The following SMIM36 variants were observed in gnomAD, a reference collection of about 807,000 sequenced individuals.
The protein encoded by SMIM36 is small integral membrane protein 36.
At chr17:55,511,092 C>T (rs553470346) in exon 1 of SMIM36, 2 of 398,572 alleles carry the variant, frequency 5.0e-6, no homozygotes, top group East Asian at 7.1e-5. Context: ...GAGCAGGATC[C>T]CCCAAAGAAA....
chr17:55,472,076 C>T (rs1364861988), intron 3 of SMIM36, among the ~76,000 whole-genome samples: 4 of 152,238 alleles, frequency 2.6e-5, no homozygotes, highest in Non-Finnish European at 5.9e-5. Flanking sequence ...AACCCAGCTT[C>T]TCACTTAGCA....
At chr17:55,517,548 G>C in the SMIM36 span, among the ~76,000 whole-genome samples, 1 of 152,214 alleles carries the variant, frequency 6.6e-6, no homozygotes, top group Non-Finnish European at 1.5e-5. Context: ...GGGCGACAGA[G>C]TGAGACTCTG....
intron 4 of SMIM36, among the ~76,000 whole-genome samples, chr17:55,459,314 A>G (rs1909094226): frequency 6.6e-6 from 1 of 152,192 alleles, no homozygotes; most frequent in African/African-American, 2.4e-5. Context: ...ATCTCTCCAG[A>G]GAGTCATTGG....
intron 3 of SMIM36, chr17:55,468,127 A>G (rs1006292736): frequency 6.6e-6 from 1 of 152,324 alleles, no homozygotes; most frequent in Admixed American, 6.5e-5. Context: ...CCAGGTGATT[A>G]AAAAGCTTTA....
the SMIM36 span, among the ~76,000 whole-genome samples, chr17:55,516,947 G>A: frequency 2.0e-5 from 3 of 152,222 alleles, no homozygotes. Context: ...CTGAGAAGAC[G>A]CTTCTCCCCA....
chr17:55,465,132 G>C lies in SMIM36; in HGVS notation c.*531+2013C>G, dbSNP rs1003020887. On this transcript the variant is annotated intron_variant, in intron 4 of 4. Coordinates refer to ENST00000636752, the Ensembl canonical transcript of SMIM36. ...GGGCAGACAAGTTCATAAACAATCT[G>C]CTCCATTCTGAGTACGACATTGAAT... 7.9e-5 allele frequency among the ~76,000 whole-genome samples: 12 copies of C among 152,198 alleles called. No individual in the cohort carries two copies. The South Asian group carries it at 2.5e-3, about 32-fold the overall frequency.
At chr17:55,455,598 T>C (rs909399316) in intron 4 of SMIM36, among the ~76,000 whole-genome samples, 1 of 152,056 alleles carries the variant, frequency 6.6e-6, no homozygotes, top group Non-Finnish European at 1.5e-5. Flanking sequence ...GGGACCTGCT[T>C]GGGCAACATA....
chr17:55,503,050 G>A (rs1380238910), intron 1 of SMIM36, among the ~76,000 whole-genome samples: 1 of 144,204 alleles, frequency 6.9e-6, no homozygotes, highest in Admixed American at 7.0e-5. Context: ...AATGAGCAAA[G>A]CCTCCAAGAA....
At chr17:55,508,928 C>CAAAAA (rs35834283) in intron 1 of SMIM36, among the ~76,000 whole-genome samples, 72 of 96,904 alleles carry the variant, frequency 7.4e-4, no homozygotes, top group Admixed American at 9.9e-4. Context: ...TGTCTCAGAA[C>CAAAAA]AAAAAAAAAA....
chr17:55,526,567 C>T, the SMIM36 span, among the ~76,000 whole-genome samples: 22 of 152,134 alleles, frequency 1.4e-4, no homozygotes, highest in South Asian at 2.1e-4. Flanking sequence ...TCTGCCTCCT[C>T]GCCAGCAGAG....
At chr17:55,476,305 C>G (rs138755479) in intron 3 of SMIM36, among the ~76,000 whole-genome samples, 2 of 152,048 alleles carry the variant, frequency 1.3e-5, no homozygotes, top group Non-Finnish European at 1.5e-5. Context: ...AGCTCCCCAC[C>G]GAGCGCCTTG....
At chr17:55,458,248 A>T (rs769441884) in intron 4 of SMIM36, 7 of 152,184 alleles carry the variant, frequency 4.6e-5, no homozygotes, top group Non-Finnish European at 8.8e-5. Context: ...TCCTACATCC[A>T]AGCAAACAGG....
chr17:55,462,723 A>G (rs1200863015), intron 4 of SMIM36, among the ~76,000 whole-genome samples: 1 of 152,248 alleles, frequency 6.6e-6, no homozygotes, highest in Non-Finnish European at 1.5e-5. Context: ...TTAAGGGACT[A>G]GCACTTGTTA....
At chr17:55,529,807 A>ACAAACAAAAAAAC in the SMIM36 span, among the ~76,000 whole-genome samples, 8 of 152,252 alleles carry the variant, frequency 5.3e-5, no homozygotes, top group East Asian at 1.4e-3. Context: ...AAACAAACAA[A>ACAAACAAAAAAAC]AAACAAAACA....
intron 3 of SMIM36, chr17:55,477,274 G>A (rs1909441069): frequency 6.6e-6 from 1 of 152,188 alleles, no homozygotes; most frequent in Non-Finnish European, 1.5e-5. Flanking sequence ...CTGAAATGAA[G>A]GTAATGGCAG....
At chr17:55,486,594 T>C (rs1170949166) in intron 1 of SMIM36, among the ~76,000 whole-genome samples, 1 of 152,154 alleles carries the variant, frequency 6.6e-6, no homozygotes, top group African/African-American at 2.4e-5. Context: ...ATGTTGCATT[T>C]CTAATAAGCA....
chr17:55,490,649 A>C (rs1909686648), intron 1 of SMIM36, among the ~76,000 whole-genome samples: 1 of 152,170 alleles, frequency 6.6e-6, no homozygotes, highest in African/African-American at 2.4e-5. Context: ...TTCCTACTTC[A>C]AGCACTTTCC....
chr17:55,501,429 T>TATTATATA (rs1909972156), intron 1 of SMIM36, among the ~76,000 whole-genome samples: 1 of 38,226 alleles, frequency 2.6e-5, no homozygotes, highest in African/African-American at 2.3e-4. Flanking sequence ...TATAATATAT[T>TATTATATA]ATTATATATT....
At chr17:55,485,888 C>T (rs1909597013) in intron 1 of SMIM36, among the ~76,000 whole-genome samples, 1 of 152,174 alleles carries the variant, frequency 6.6e-6, no homozygotes, top group African/African-American at 2.4e-5. Context: ...CAGTATATCA[C>T]TAGCATCCAT....
Sources: allele counts gnomAD v4.1 joint callset (sites outside exome capture counted in the v4.1 genomes callset), GRCh38; gene constraint gnomAD v4.1.1; transcripts MANE v1.5; gene names NCBI Gene and HGNC (gene_info 2026-07-23, HGNC 2026-07-21).